Variants in HECTD4 observed in about 807,000 individuals in gnomAD.
HECTD4 encodes the protein HECT domain E3 ubiquitin protein ligase 4, also known as probable E3 ubiquitin-protein ligase HECTD4.
Under a neutral mutation model 471.5 loss-of-function variants are expected in HECTD4, and 114 were observed. That is an observed-to-expected ratio of 0.24 (90% CI 0.21 to 0.28). The LOEUF (loss-of-function observed/expected upper bound fraction) is 0.28, where lower values mean the gene tolerates loss of function less well. Among genes scored for constraint, HECTD4 ranks in the 10% least tolerant of loss-of-function variants. The pLI is 1.00. For synonymous variants in HECTD4, 2,012 were observed against 2,256.0 expected (o/e 0.89, Z 3.07); for missense variants, 3,866 against 5,651.5 (o/e 0.68, Z 10.13).
In HECTD4 at chr12:112,184,414, G is replaced by C; in HGVS notation, c.10552C>G (p.Leu3518Val). The change falls in exon 61 of 76, where the codon CTG becomes GTG. Residue 3518 changes from leucine to valine, a missense_variant. Leu to Val is a conservative substitution (Grantham distance 32, BLOSUM62 1). Coordinates refer to ENST00000682272, the MANE Select transcript of HECTD4 (RefSeq NM_001388303.1). The surrounding 1 kb of genome is among the most constrained non-coding windows in gnomAD (Gnocchi z 9.1). The stretch of plus-strand genomic sequence containing the variant: ...TCCAACAGGCCCGGAGGGATGGGCA[G>C]CTCGAGGCCGGCAGGCAGCGGATCC... Reference protein sequence around the residue: ...SVDPLPAGLELPIPPGLLEPH... With the variant: ...SVDPLPAGLEVPIPPGLLEPH... 3 of 1,605,766 alleles carry C rather than the reference G, an allele frequency of 1.9e-6. No individual in the cohort carries two copies. The highest frequency in any genetic ancestry group is 2.5e-6 in the Non-Finnish European group (3 of 1,176,912).
At position 112,265,285 on chromosome 12, in the gene HECTD4, C is replaced by A; in HGVS notation, c.2509G>T (p.Glu837Ter). The A allele has an allele frequency of 1.3e-6, 2 of 1,559,626 alleles. No individual in the cohort carries two copies. Among genetic ancestry groups the A allele is most frequent in the South Asian group, 1.2e-5 (1 of 82,478 alleles). The change falls in exon 16 of 76, where the codon GAA becomes TAA. Residue 837 changes from glutamate (E) to a stop codon, truncating the protein, a stop_gained. Coordinates refer to ENST00000682272, the MANE Select transcript of HECTD4 (RefSeq NM_001388303.1). LOFTEE classifies it high-confidence loss of function. The stretch of plus-strand genomic sequence containing the variant: ...ATCTTCAGAATGTAGTGTAAAAGTT[C>A]ATCATTTAGTCTTTAAAATGCAGGA... ...DEDDHYRLND[E>*]LLHYILKIVV...
chr12:112,239,513 A>G lies in HECTD4; in HGVS notation c.5106-277T>C, dbSNP rs2033589375. On this transcript the variant is annotated intron_variant, in intron 33 of 75. Transcript: ENST00000682272. The surrounding 1 kb of genome is among the most constrained non-coding windows in gnomAD (Gnocchi z 4.9). The stretch of plus-strand genomic sequence containing the variant: ...GGAAAAAAATCATGTATTTTGTCCT[A>G]AGGGGATTCAATGAATGCTTGACAT... Among the ~76,000 whole-genome samples, 1 of 152,236 alleles carries G rather than the reference A, an allele frequency of 6.6e-6. No individual in the cohort carries two copies. Among genetic ancestry groups the G allele is most frequent in the South Asian group, 2.1e-4 (1 of 4,834 alleles).
At chr12:112,365,328 C>G (rs1401414867) in intron 1 of HECTD4, among the ~76,000 whole-genome samples, 1 of 152,096 alleles carries the variant, frequency 6.6e-6, no homozygotes, top group African/African-American at 2.4e-5. Context: ...CCCAGGAGTT[C>G]AAGGTTACAG....
chr12:112,342,164 A>G (rs1227095305), intron 1 of HECTD4, among the ~76,000 whole-genome samples: 1 of 152,234 alleles, frequency 6.6e-6, no homozygotes, highest in Non-Finnish European at 1.5e-5. Context: ...ATGATCAGAA[A>G]AACACTAAAG....
At chr12:112,291,239 G>C (rs1465376920) in intron 7 of HECTD4, among the ~76,000 whole-genome samples, 1 of 151,810 alleles carries the variant, frequency 6.6e-6, no homozygotes, top group Admixed American at 6.6e-5. Context: ...TATCACTCTA[G>C]ATACAAGTTA....
intron 44 of HECTD4, among the ~76,000 whole-genome samples, chr12:112,223,959 T>C (rs1056585221): frequency 2.0e-5 from 3 of 152,212 alleles, no homozygotes; most frequent in African/African-American, 7.2e-5. Flanking sequence ...TTATTGCTTA[T>C]AAATTTCATG....
chr12:112,325,520 G>A (rs1485257675), intron 1 of HECTD4, among the ~76,000 whole-genome samples: 1 of 152,098 alleles, frequency 6.6e-6, no homozygotes, highest in Non-Finnish European at 1.5e-5. Context: ...TTGTAAGTCA[G>A]CTATGGCATA....
chr12:112,337,896 T>C (rs148300830), intron 1 of HECTD4, among the ~76,000 whole-genome samples: 17 of 152,294 alleles, frequency 1.1e-4, no homozygotes, highest in Non-Finnish European at 1.6e-4. Context: ...CTGGTAGAAA[T>C]AGAAATTGGT....
At chr12:112,246,463 G>A (rs748762084) in intron 29 of HECTD4, among the ~76,000 whole-genome samples, 100 of 152,038 alleles carry the variant, frequency 6.6e-4, no homozygotes, top group Non-Finnish European at 1.3e-3. Flanking sequence ...GTGAAACCCC[G>A]TCTCTACCAA....
At chr12:112,364,678 G>T (rs112810898) in intron 1 of HECTD4, among the ~76,000 whole-genome samples, 1 of 151,824 alleles carries the variant, frequency 6.6e-6, no homozygotes. Flanking sequence ...GCAGTGAGCC[G>T]TGACTGCGCG....
At chr12:112,314,358 CTAAT>C in intron 3 of HECTD4, 95 bp downstream of exon 3, 1 of 592,332 alleles carries the variant, frequency 1.7e-6, no homozygotes, top group East Asian at 2.9e-5. Context: ...AAATGAATCA[CTAAT>C]TGATAAGAGT....
intron 55 of HECTD4, among the ~76,000 whole-genome samples, chr12:112,196,965 T>C (rs1159577147): frequency 6.6e-6 from 1 of 150,910 alleles, no homozygotes. Context: ...CTGGCTGATT[T>C]TTGTATTTTT....
At chr12:112,276,920 A>G (rs2034539746) in intron 9 of HECTD4, among the ~76,000 whole-genome samples, 2 of 152,340 alleles carry the variant, frequency 1.3e-5, no homozygotes, top group South Asian at 4.1e-4. Context: ...CTATAATCAG[A>G]AAAATGGAAA....
rs1468883776 is a variant in HECTD4 at position 112,265,289 on chromosome 12, A to G, written c.2505T>C (p.Asn835=). ...TCAGAATGTAGTGTAAAAGTTCATCATTTAGTCTTTAAAATGCAGGAAAAA... is the reference window on the plus strand; with the variant it reads ...TCAGAATGTAGTGTAAAAGTTCATCGTTTAGTCTTTAAAATGCAGGAAAAA... The part of the protein sequence containing the change: ...GSDEDDHYRL[N]DELLHYILKI... Residue 835 remains asparagine (N), a synonymous_variant, in exon 16 of 76, where the codon AAT becomes AAC. Coordinates refer to ENST00000682272, the MANE Select transcript of HECTD4 (RefSeq NM_001388303.1). 1 of 1,556,616 alleles carries G rather than the reference A, an allele frequency of 6.4e-7. No homozygotes were observed. Among genetic ancestry groups the G allele is most frequent in the Non-Finnish European group, 8.7e-7 (1 of 1,143,854 alleles).
chr12:112,345,940 T>C (rs1298162540), intron 1 of HECTD4, among the ~76,000 whole-genome samples: 1 of 152,196 alleles, frequency 6.6e-6, no homozygotes, highest in Non-Finnish European at 1.5e-5. Context: ...ACATGGATCT[T>C]TCCTGAATGT....
intron 1 of HECTD4, among the ~76,000 whole-genome samples, chr12:112,338,308 G>C (rs377048080): frequency 1.3e-5 from 2 of 152,106 alleles, no homozygotes; most frequent in African/African-American, 4.8e-5. Flanking sequence ...ATATGTGTTA[G>C]GCCATTCTTG....
intron 41 of HECTD4, among the ~76,000 whole-genome samples, chr12:112,229,473 C>G (rs960335073): frequency 1.3e-5 from 2 of 152,178 alleles, no homozygotes; most frequent in African/African-American, 4.8e-5. Context: ...CTACAGGACA[C>G]AAGTATTGTA....
chr12:112,317,455 CAAG>C (rs1223374473), intron 2 of HECTD4, among the ~76,000 whole-genome samples: 1 of 152,038 alleles, frequency 6.6e-6, no homozygotes, highest in Non-Finnish European at 1.5e-5. Flanking sequence ...CATAATTATC[CAAG>C]AAGAATTCTC....
chr12:112,299,623 AAAAC>A (rs10699631), intron 7 of HECTD4, among the ~76,000 whole-genome samples: 16,249 of 151,464 alleles, frequency 0.11, 1,027 homozygotes, highest in Middle Eastern at 0.18. Flanking sequence ...TCTGTCTCAA[AAAAC>A]AAACAAACAA....
Sources: gnomAD v4.1 joint callset for allele counts (sites outside exome capture counted in the v4.1 genomes callset) on GRCh38, gnomAD v4.1.1 for gene constraint, Gnocchi (gnomAD v3.1) non-coding constraint, MANE v1.5 for transcripts, NCBI Gene and HGNC (gene_info 2026-07-23, HGNC 2026-07-21) for gene names.